HNF4G: variants seen among roughly 807,000 people sequenced by gnomAD.
HNF4G encodes hepatocyte nuclear factor 4-gamma.
In HNF4G, 21 loss-of-function variants were observed where a neutral mutation model predicts 50.9. The ratio of observed to expected loss-of-function variants is 0.41; its 90% CI spans 0.29 to 0.59. The LOEUF is 0.59. Among genes scored for constraint, HNF4G ranks in the 20% least tolerant of loss-of-function variants. The probability of loss-of-function intolerance (pLI) is 0.26; values close to 1 mark genes in which losing one functional copy is unlikely to be tolerated. For missense variants in HNF4G, 527 were observed against 559.4 expected (o/e 0.94, Z 0.58); for synonymous variants, 198 against 185.6 (o/e 1.07, Z -0.54).
At position 75,474,822 on chromosome 8, in the gene HNF4G, G is replaced by A. The variant is rs564645218; in HGVS notation, c.-143-15267G>A. Reference sequence around the variant, plus strand: ...ACGCCATTCTCCTGCCTTAGCCTCCGGAGTAGCTGGTATTACAGGTGCCTG... The same window carrying A: ...ACGCCATTCTCCTGCCTTAGCCTCCAGAGTAGCTGGTATTACAGGTGCCTG... On this transcript the variant is annotated intron_variant, in intron 1 of 10. Transcript: ENST00000354370. Among the ~76,000 whole-genome samples the A allele has an allele frequency of 3.3e-5, 5 of 150,940 alleles. No homozygotes were observed. The South Asian group carries it at 6.3e-4, about 19-fold the overall frequency.
rs147929005 is a variant in HNF4G at position 75,441,017 on chromosome 8, C to T, written c.-144+32855C>T. Among the ~76,000 whole-genome samples, 26 of 152,028 alleles carry T rather than the reference C, an allele frequency of 1.7e-4. No homozygotes were observed. The East Asian group carries it at 4.7e-3, about 27-fold the overall frequency. On this transcript the variant is annotated intron_variant, in intron 1 of 10. Coordinates refer to the HNF4G transcript ENST00000354370. Reference sequence around the variant, plus strand: ...TTACAGGCAGGCACCACAATGCCCACCTAAATTTTAAATTTTTTTGTAGAG... The same window carrying T: ...TTACAGGCAGGCACCACAATGCCCATCTAAATTTTAAATTTTTTTGTAGAG...
At chr8:75,410,148 A>G (rs958837694) in intron 1 of HNF4G, among the ~76,000 whole-genome samples, 1 of 152,162 alleles carries the variant, frequency 6.6e-6, no homozygotes, top group African/African-American at 2.4e-5. Flanking sequence ...TTCAATTTCT[A>G]AGTATTACAA....
chr8:75,530,794 C>CTTT (rs71567126), intron 2 of HNF4G, among the ~76,000 whole-genome samples: 53,327 of 131,902 alleles, frequency 0.4, 13,236 homozygotes, highest in African/African-American at 0.69. Flanking sequence ...GTTCAATGTG[C>CTTT]TTTTTTTTTT....
Position 75,521,610 on chromosome 8 carries a change from T to C in HNF4G, c.-23-22201T>C, listed in dbSNP as rs1256303017. Among the ~76,000 whole-genome samples, 3 of 152,176 alleles carry C rather than the reference T, an allele frequency of 2.0e-5. No individual in the cohort carries two copies. In the East Asian group the frequency reaches 5.8e-4, roughly 29 times the overall value. ...TTCTGGTTCTAGCAGTTTCAGCCAG[T>C]TGAAGCTATGATCCGAGATAAATGT... On this transcript the variant is annotated intron_variant, in intron 2 of 10. Coordinates refer to the HNF4G transcript ENST00000354370.
chr8:75,495,181 C>T (rs1445447582), intron 2 of HNF4G, among the ~76,000 whole-genome samples: 2 of 152,188 alleles, frequency 1.3e-5, no homozygotes, highest in Non-Finnish European at 2.9e-5. Flanking sequence ...TATCCTCCTA[C>T]TCTTCTCATT....
At chr8:75,449,231 A>G (rs1405425245) in intron 1 of HNF4G, among the ~76,000 whole-genome samples, 1 of 152,142 alleles carries the variant, frequency 6.6e-6, no homozygotes, top group African/African-American at 2.4e-5. Context: ...ATTTTTTTGT[A>G]AAGAGACAGA....
Position 75,453,297 on chromosome 8 carries a change from T to A in HNF4G, c.-143-36792T>A, listed in dbSNP as rs140253887. Among the ~76,000 whole-genome samples, 879 of 152,260 alleles carry A rather than the reference T, an allele frequency of 5.8e-3. 10 individuals are homozygous for A. The highest frequency in any genetic ancestry group is 0.02 in the African/African-American group (817 of 41,554). On this transcript the variant is annotated intron_variant, in intron 1 of 10. Transcript: ENST00000354370. ...GAGGTTTGTAAAATGCACCAATCAG[T>A]GCTCTGTAAAAACGCACCAGTCAGT...
rs765121244 is a variant in HNF4G at position 75,551,464 on chromosome 8, A to G, written c.459A>G (p.Thr153=). The stretch of plus-strand genomic sequence containing the variant: ...GCAGCAACATCCCCTCCATTAACAC[A>G]CTGGCACAAGCTGAAGTTCGGTCTC... The part of the protein sequence containing the change: ...FDGSNIPSIN[T]LAQAEVRSRQ... Residue 153 remains threonine, a synonymous_variant, in exon 4 of 10, where the codon ACA becomes ACG. Transcript: ENST00000396423. The G allele has an allele frequency of 1.2e-6, 2 of 1,612,376 alleles. No homozygotes were observed. Among genetic ancestry groups the G allele is most frequent in the South Asian group, 2.2e-5 (2 of 91,024 alleles).
intron 1 of HNF4G, among the ~76,000 whole-genome samples, chr8:75,444,385 A>G (rs891757237): frequency 2.0e-5 from 3 of 151,484 alleles, no homozygotes; most frequent in Admixed American, 1.3e-4. Flanking sequence ...CAGCAAAATA[A>G]CCAGCTAACA....
intron 1 of HNF4G, among the ~76,000 whole-genome samples, chr8:75,474,705 AAAT>A (rs1165221131): frequency 6.6e-6 from 1 of 152,088 alleles, no homozygotes; most frequent in Non-Finnish European, 1.5e-5. Flanking sequence ...TTTTTAATAC[AAAT>A]AATAAATATT....
At chr8:75,549,303 G>A (rs1806876513) in intron 3 of HNF4G, among the ~76,000 whole-genome samples, 1 of 152,096 alleles carries the variant, frequency 6.6e-6, no homozygotes, top group South Asian at 2.1e-4. Flanking sequence ...AAAAATGATA[G>A]CACTGAGATT....
chr8:75,555,277 A>G (rs1175691256), intron 5 of HNF4G, among the ~76,000 whole-genome samples: 1 of 152,134 alleles, frequency 6.6e-6, no homozygotes, highest in Non-Finnish European at 1.5e-5. Flanking sequence ...AGCACTTTGG[A>G]TTACGGTGTC....
chr8:75,440,044 A>G (rs1271430849), intron 1 of HNF4G, among the ~76,000 whole-genome samples: 2 of 152,132 alleles, frequency 1.3e-5, no homozygotes, highest in Non-Finnish European at 2.9e-5. Flanking sequence ...CAACTGTACC[A>G]TCAGAACATT....
intron 2 of HNF4G, among the ~76,000 whole-genome samples, chr8:75,504,556 T>G (rs1467117137): frequency 2.0e-5 from 3 of 152,104 alleles, no homozygotes; most frequent in African/African-American, 2.4e-5. Flanking sequence ...CTGTTAGCGT[T>G]GCACGAGTGA....
chr8:75,446,871 G>T (rs1305902774), intron 1 of HNF4G, among the ~76,000 whole-genome samples: 1 of 105,198 alleles, frequency 9.5e-6, no homozygotes, highest in Non-Finnish European at 1.9e-5. Flanking sequence ...GTAATTTACA[G>T]ATTCAATGCC....
rs1456329347 is a variant in HNF4G at position 75,539,976 on chromosome 8, C to T, written c.14C>T (p.Ser5Leu). The T allele has an allele frequency of 4.0e-6, 6 of 1,500,334 alleles. No homozygotes were observed. Among genetic ancestry groups the T allele is most frequent in the Non-Finnish European group, 5.6e-6 (6 of 1,077,130 alleles). The allele number at this position is 1,500,334 out of a possible 1,614,324, so 92.9% of individuals were successfully genotyped here. A position where few individuals can be genotyped will look rare whatever the true frequency, so the allele number is the denominator to read the frequency against. The change falls in exon 1 of 10, where the codon TCA becomes TTA. Residue 5 changes from serine (S) to leucine (L), a missense_variant. Transcript: ENST00000396423. ...GTTTCTAAATCAATGATGAGGGTAT[C>T]AGAACCAATACTGGACATGGACATG... MMRV[S>L]EPILDMDMAN...
chr8:75,410,127 C>T (rs72658080), intron 1 of HNF4G, among the ~76,000 whole-genome samples: 9 of 151,990 alleles, frequency 5.9e-5, no homozygotes, highest in South Asian at 2.1e-4. Context: ...TCAGAATATT[C>T]GCTTGGATTT....
chr8:75,497,467 C>T (rs561607438), intron 2 of HNF4G, among the ~76,000 whole-genome samples: 143 of 152,212 alleles, frequency 9.4e-4, no homozygotes, highest in Middle Eastern at 3.4e-3. Flanking sequence ...GGGCAGATCA[C>T]GAGGTCAGGA....
intron 1 of HNF4G, among the ~76,000 whole-genome samples, chr8:75,434,132 T>C (rs1387883156): frequency 6.6e-6 from 1 of 151,206 alleles, no homozygotes; most frequent in East Asian, 1.9e-4. Flanking sequence ...GCCTCCTGAG[T>C]AGCTGGGATT....
Sources: gnomAD v4.1 joint callset for allele counts (sites outside exome capture counted in the v4.1 genomes callset) on GRCh38, gnomAD v4.1.1 for gene constraint, MANE v1.5 for transcripts, NCBI Gene and HGNC (gene_info 2026-07-23, HGNC 2026-07-21) for gene names.